The following CDKN3 variants were observed in gnomAD, a reference collection of about 807,000 sequenced individuals.
CDKN3 encodes cyclin dependent kinase inhibitor 3, also known as cyclin-dependent kinase inhibitor 3.
Under a neutral mutation model 36.1 loss-of-function variants are expected in CDKN3, and 19 were observed. The observed-to-expected ratio is 0.53, with a 90% CI of 0.37 to 0.77. The LOEUF (loss-of-function observed/expected upper bound fraction) is 0.77, where lower values mean the gene tolerates loss of function less well. Ranked by LOEUF, CDKN3 falls within the 30% of genes least tolerant of loss-of-function variation. CDKN3 has a pLI of 0.00. For missense variants in CDKN3, 188 were observed against 248.6 expected, an observed-to-expected ratio of 0.76 and a Z score of 1.64; for synonymous variants, 71 against 85.3, an observed-to-expected ratio of 0.83 and a Z score of 0.92.
At chr14:54,399,365 T>C (rs1374256889) in intron 1 of CDKN3, among the ~76,000 whole-genome samples, 1 of 152,238 alleles carries the variant, frequency 6.6e-6, no homozygotes, top group Non-Finnish European at 1.5e-5. Flanking sequence ...TCCAGCTACC[T>C]ACGTGGTCAC....
rs1217815698 is a variant in CDKN3 at position 54,397,040 on chromosome 14, G to A, written c.-29G>A. 2 of 1,488,894 alleles carry A rather than the reference G, an allele frequency of 1.3e-6. No homozygotes were observed. Among genetic ancestry groups the A allele is most frequent in the Admixed American group, 2.3e-5 (1 of 42,722 alleles). The allele number at this position is 1,488,894 out of a possible 1,614,324, so 92.2% of individuals were successfully genotyped here. A position where few individuals can be genotyped will look rare whatever the true frequency, so the allele number is the denominator to read the frequency against. On this transcript the variant is annotated 5_prime_UTR_variant, in exon 1 of 8. Transcript: ENST00000335183. Reference sequence around the variant, plus strand: ...GTCGCCGGCGCTGCAGAGGGAGGCGGCACTGGTCTCGACGTGGGGCGGCCA... The same window carrying A: ...GTCGCCGGCGCTGCAGAGGGAGGCGACACTGGTCTCGACGTGGGGCGGCCA...
intron 7 of CDKN3, chr14:54,418,561 T>A: frequency 2.9e-6 from 1 of 348,762 alleles, no homozygotes; most frequent in Non-Finnish European, 5.2e-6. Context: ...TCACTTCATT[T>A]TGTAGATCTG....
intron 3 of CDKN3, among the ~76,000 whole-genome samples, chr14:54,405,644 A>G (rs1417388337): frequency 6.6e-6 from 1 of 152,132 alleles, no homozygotes; most frequent in Non-Finnish European, 1.5e-5. Flanking sequence ...CTGTTTTATC[A>G]GAAACTAGGA....
At chr14:54,399,111 G>A (rs1350326984) in intron 1 of CDKN3, among the ~76,000 whole-genome samples, 4 of 146,496 alleles carry the variant, frequency 2.7e-5, no homozygotes, top group South Asian at 2.2e-4. Context: ...TCAGCCTCCC[G>A]AGTAGCTGGG....
At chr14:54,418,504 G>T in intron 7 of CDKN3, 1 of 497,292 alleles carries the variant, frequency 2.0e-6, no homozygotes. Context: ...CACTAGCAAT[G>T]CCAAGGATAT....
chr14:54,410,212 T>G lies in CDKN3; in HGVS notation c.194-1272T>G, dbSNP rs1391676160. Among the ~76,000 whole-genome samples, 11 of 152,232 alleles carry G rather than the reference T, an allele frequency of 7.2e-5. 1 individual carries two copies. Among genetic ancestry groups the G allele is most frequent in the Admixed American group, 7.2e-4 (11 of 15,292 alleles). On this transcript the variant is annotated intron_variant, in intron 4 of 7. Coordinates refer to ENST00000335183, the MANE Select transcript of CDKN3 (RefSeq NM_005192.4). ...AGTACATAAAACAGGTCAATATGTTTGATTGGAGACCTAGAATCTCCCTGC... is the reference window on the plus strand; with the variant it reads ...AGTACATAAAACAGGTCAATATGTTGGATTGGAGACCTAGAATCTCCCTGC...
Position 54,408,863 on chromosome 14 carries a change from G to T in CDKN3, c.193+74G>T, listed in dbSNP as rs148152937. On this transcript the variant is annotated intron_variant, in intron 4 of 7. Coordinates refer to ENST00000335183, the MANE Select transcript of CDKN3 (RefSeq NM_005192.4). The stretch of plus-strand genomic sequence containing the variant: ...GCATTGAAAAACTCTCTGTCAAAAA[G>T]AACAAATCAGTTTTTTTTTAATATA... 2,682 of 1,458,280 alleles carry T rather than the reference G, an allele frequency of 1.8e-3. 39 individuals carry two copies. The African/African-American group carries it at 0.034, about 19-fold the overall frequency. 90.3% of individuals were successfully genotyped at this position (1,458,280 alleles called of 1,614,324 possible).
chr14:54,404,240 C>T (rs1049743234), intron 3 of CDKN3, among the ~76,000 whole-genome samples: 18 of 152,000 alleles, frequency 1.2e-4, no homozygotes, highest in African/African-American at 3.9e-4. Context: ...TTCACGGATT[C>T]GACTTCTTCC....
intron 1 of CDKN3, 52 bp downstream of exon 1, chr14:54,397,129 G>C: frequency 6.9e-7 from 1 of 1,439,522 alleles, no homozygotes; most frequent in Non-Finnish European, 9.2e-7. Flanking sequence ...GGACGCAAGC[G>C]GTCCCGGGGA....
Position 54,411,691 on chromosome 14 carries a change from G to A in CDKN3, c.401G>A (p.Arg134Gln), listed in dbSNP as rs150506068. Residue 134 changes from arginine (R) to glutamine (Q), a missense_variant, in exon 5 of 8, where the codon CGA (arginine) becomes CAA (glutamine). Physicochemically the swap from Arg to Gln is conservative, Grantham distance 43 (BLOSUM62 1). Transcript: ENST00000335183. ...CTTACAACCTGCCTTAAAAATTACCGAAAAACCTTAATACAGTACGTTCTT... is the reference window on the plus strand; with the variant it reads ...CTTACAACCTGCCTTAAAAATTACCAAAAAACCTTAATACAGTACGTTCTT... ...EELTTCLKNY[R>Q]KTLIHCYGGL... The A allele has an allele frequency of 1.6e-4, 253 of 1,606,930 alleles. 2 individuals are homozygous for A. Among genetic ancestry groups the A allele is most frequent in the South Asian group, 6.3e-4 (57 of 90,958 alleles).
chr14:54,404,789 G>T (rs537931872), intron 3 of CDKN3, among the ~76,000 whole-genome samples: 1 of 147,710 alleles, frequency 6.8e-6, no homozygotes, highest in Non-Finnish European at 1.5e-5. Flanking sequence ...TGTTAGCCAG[G>T]ATGGTCTCGA....
chr14:54,399,021 T>C (rs918872916), intron 1 of CDKN3, among the ~76,000 whole-genome samples: 2 of 128,026 alleles, frequency 1.6e-5, no homozygotes, highest in Non-Finnish European at 3.2e-5. Flanking sequence ...AGTCATGCCC[T>C]GTCAGCCAGG....
intron 7 of CDKN3, 45 bp downstream of exon 7, chr14:54,417,996 GT>G: frequency 9.2e-7 from 1 of 1,091,796 alleles, no homozygotes; most frequent in Non-Finnish European, 1.4e-6. Flanking sequence ...TGGGGTCGTT[GT>G]TACAAATACA....
chr14:54,414,542 TC>T lies in CDKN3; in HGVS notation c.417-1356del, dbSNP rs2030466192. ...AAGACACTGAAGTGTTCTATCTTGA[TC>T]TTTTTTTTTTTTTTTAATAAGGCAG... On this transcript the variant is annotated intron_variant, in intron 5 of 7. Transcript: ENST00000335183. Among the ~76,000 whole-genome samples, 5 of 150,182 alleles carry T rather than the reference TC, an allele frequency of 3.3e-5. No individual in the cohort carries two copies. The South Asian group carries it at 1.0e-3, about 31-fold the overall frequency.
chr14:54,413,355 CT>C (rs59686136), intron 5 of CDKN3, among the ~76,000 whole-genome samples: 333 of 141,340 alleles, frequency 2.4e-3, no homozygotes, highest in Middle Eastern at 3.7e-3. Flanking sequence ...ATTTTGAGAT[CT>C]TTTTTTTTTT....
rs746758169 is a variant in CDKN3, at chr14:54,411,615, G to A, written c.325G>A (p.Ala109Thr). ...CGIITHHHPI[A>T]DGGTPDIASC... is the part of the protein sequence containing the mutation. ...AATTATCACCCATCATCATCCAATC[G>A]CAGATGGAGGGACTCCTGACATAGC... Residue 109 changes from alanine to threonine, a missense_variant, in exon 5 of 8, where the codon GCA becomes ACA. By Grantham distance (58) the Ala-to-Thr change is moderately conservative. Transcript: ENST00000335183. 87 of 1,613,910 alleles carry A rather than the reference G, an allele frequency of 5.4e-5. No individual in the cohort carries two copies. Among genetic ancestry groups the A allele is most frequent in the East Asian group, 2.0e-4 (9 of 44,872 alleles).
At chr14:54,409,454 C>T (rs1172019668) in intron 4 of CDKN3, among the ~76,000 whole-genome samples, 1 of 152,154 alleles carries the variant, frequency 6.6e-6, no homozygotes, top group Non-Finnish European at 1.5e-5. Context: ...GTATATATTG[C>T]TTGATTCTAA....
chr14:54,413,397 C>T (rs2139984491), intron 5 of CDKN3, among the ~76,000 whole-genome samples: 1 of 149,860 alleles, frequency 6.7e-6, no homozygotes, highest in Admixed American at 6.7e-5. Flanking sequence ...GCAGCCTCTA[C>T]TGAAAAGTTT....
At chr14:54,412,975 A>G (rs544452800) in intron 5 of CDKN3, 13 of 457,738 alleles carry the variant, frequency 2.8e-5, no homozygotes, top group South Asian at 1.7e-4. Context: ...AGCCCAGCCA[A>G]CTTCTCCTCT....
Sources: gnomAD v4.1 joint callset for allele counts (sites outside exome capture counted in the v4.1 genomes callset) on GRCh38, gnomAD v4.1.1 for gene constraint, MANE v1.5 for transcripts, NCBI Gene and HGNC (gene_info 2026-07-23, HGNC 2026-07-21) for gene names.